Variants in STAT3 observed in about 807,000 individuals in gnomAD.
STAT3 encodes DNA-binding protein APRF.
In STAT3, 7 loss-of-function variants were observed where a neutral mutation model predicts 114.3. That is an observed-to-expected ratio of 0.06 (90% CI 0.03 to 0.11). The LOEUF (loss-of-function observed/expected upper bound fraction) is 0.11, where lower values mean the gene tolerates loss of function less well. Among genes scored for constraint, STAT3 ranks in the 10% least tolerant of loss-of-function variants. The probability of loss-of-function intolerance (pLI) is 1.00; values close to 1 mark genes in which losing one functional copy is unlikely to be tolerated. For missense variants in STAT3, 364 were observed against 960.9 expected (o/e 0.38, Z 8.21); for synonymous variants, 331 against 354.5 (o/e 0.93, Z 0.74).
chr17:42,323,957 A>G (rs2081592099), intron 17 of STAT3, among the ~76,000 whole-genome samples: 1 of 152,246 alleles, frequency 6.6e-6, no homozygotes, highest in Non-Finnish European at 1.5e-5. Context: ...ATTTGGTGGC[A>G]ACAGCTTTAT....
intron 21 of STAT3, among the ~76,000 whole-genome samples, chr17:42,319,465 C>A (rs975134273): frequency 2.1e-5 from 3 of 143,276 alleles, no homozygotes; most frequent in Admixed American, 7.2e-5. Context: ...TCTCTTGAAC[C>A]TGGGAGGCAG....
intron 1 of STAT3, among the ~76,000 whole-genome samples, chr17:42,353,427 T>G (rs1390118008): frequency 1.7e-4 from 26 of 151,642 alleles, no homozygotes; most frequent in Admixed American, 1.7e-3. Context: ...AACTTAACAT[T>G]ACATATGTGA....
intron 21 of STAT3, among the ~76,000 whole-genome samples, chr17:42,320,033 C>T (rs139384992): frequency 1.4e-3 from 219 of 152,302 alleles, no homozygotes; most frequent in Admixed American, 5.8e-3. Flanking sequence ...CAGCCTCAGA[C>T]TGGGAGGTGG....
At chr17:42,322,673 A>G (rs1484803968) in intron 20 of STAT3, among the ~76,000 whole-genome samples, 179 bp from the exon 21 acceptor site, 1 of 152,256 alleles carries the variant, frequency 6.6e-6, no homozygotes, top group African/African-American at 2.4e-5. Flanking sequence ...CTTCTAATTA[A>G]GAAGAGGCTA....
intron 21 of STAT3, among the ~76,000 whole-genome samples, chr17:42,321,703 G>A (rs2081491885): frequency 6.6e-6 from 1 of 152,160 alleles, no homozygotes; most frequent in Non-Finnish European, 1.5e-5. Flanking sequence ...TGAAATCTGG[G>A]CCTCAAACCT....
intron 1 of STAT3, among the ~76,000 whole-genome samples, chr17:42,378,617 G>A (rs1444047322): frequency 1.3e-5 from 2 of 152,138 alleles, no homozygotes; most frequent in Admixed American, 1.3e-4. Flanking sequence ...ATGAAAAGAG[G>A]CCCAAATGCA....
intron 1 of STAT3, among the ~76,000 whole-genome samples, chr17:42,349,916 C>T (rs1468734747): frequency 6.6e-6 from 1 of 152,076 alleles, no homozygotes; most frequent in Non-Finnish European, 1.5e-5. Flanking sequence ...ATTAGCCAGG[C>T]GTGGTGGCAC....
At chr17:42,381,359 C>T (rs2084782475) in intron 1 of STAT3, among the ~76,000 whole-genome samples, 1 of 152,088 alleles carries the variant, frequency 6.6e-6, no homozygotes, top group Admixed American at 6.6e-5. Flanking sequence ...GAAGGAAAGC[C>T]GGATCGTCGA....
At chr17:42,348,603 G>A in intron 1 of STAT3, 64 bp from the exon 2 acceptor site, 1 of 1,591,598 alleles carries the variant, frequency 6.3e-7, no homozygotes, top group South Asian at 1.1e-5. Flanking sequence ...TCTAGAAGTA[G>A]CCATTGCCCA....
At chr17:42,315,999 T>G in intron 23 of STAT3, 199 bp from the exon 24 acceptor site, 4 of 1,446,654 alleles carry the variant, frequency 2.8e-6, no homozygotes, top group Non-Finnish European at 2.7e-6. Flanking sequence ...TCCTTTCTCA[T>G]TCCCACCTTA....
chr17:42,337,684 A>C lies in STAT3; in HGVS notation c.645+79T>G, dbSNP rs2082283046. ...CAGAGCAGGAACTTCTTAGAAACCAAGCAAGTTCTGCCACAAGACGCTGAA... is the reference window on the plus strand; with the variant it reads ...CAGAGCAGGAACTTCTTAGAAACCACGCAAGTTCTGCCACAAGACGCTGAA... On this transcript the variant is annotated intron_variant, in intron 7 of 23. Coordinates refer to ENST00000264657, the MANE Select transcript of STAT3 (RefSeq NM_139276.3). The surrounding 1 kb of genome is among the most constrained non-coding windows in gnomAD (Gnocchi z 4.0). 2 of 1,613,696 alleles carry C rather than the reference A, an allele frequency of 1.2e-6. No individual in the cohort carries two copies. Among genetic ancestry groups the C allele is most frequent in the Admixed American group, 3.3e-5 (2 of 60,016 alleles).
chr17:42,345,817 C>G lies in STAT3; in HGVS notation c.274-160G>C, dbSNP rs3736161. On this transcript the variant is annotated intron_variant, in intron 3 of 23. Coordinates refer to ENST00000264657, the MANE Select transcript of STAT3 (RefSeq NM_139276.3). ...AGCCTGGGTGAAGGCTCTCTGTCGG[C>G]GGGGGGCGAAGGGGAGGTCGTTACT... 0.35 allele frequency among the ~76,000 whole-genome samples: 53,033 copies of G among 150,260 alleles called. 9,514 individuals carry two copies. Among genetic ancestry groups the G allele is most frequent in the South Asian group, 0.46 (2,199 of 4,764 alleles).
At chr17:42,375,995 G>A (rs1057313074) in intron 1 of STAT3, among the ~76,000 whole-genome samples, 11 of 150,976 alleles carry the variant, frequency 7.3e-5, no homozygotes, top group Non-Finnish European at 1.6e-4. Context: ...TACTAAAAAT[G>A]CAAAAATTAG....
At chr17:42,343,461 T>C (rs924188907) in intron 4 of STAT3, among the ~76,000 whole-genome samples, 7 of 146,908 alleles carry the variant, frequency 4.8e-5, no homozygotes, top group East Asian at 2.0e-4. Flanking sequence ...CTTTCTTTTT[T>C]TTTTTTTTTT....
chr17:42,339,197 A>T lies in STAT3; in HGVS notation c.468+117T>A. On this transcript the variant is annotated intron_variant, in intron 5 of 23. Transcript: ENST00000264657. ...CTTGGGCCTGAGAGGTCGAGGCTGC[A>T]GTGAGCTGTGATCATGCCACTGCAG... 3.1e-6 allele frequency: 3 copies of T among 979,694 alleles called. No homozygotes were observed. In the South Asian group the frequency reaches 4.1e-5, roughly 13 times the overall value. The allele number at this position is 979,694 out of a possible 1,614,324, so 60.7% of individuals were successfully genotyped here. A position where few individuals can be genotyped will look rare whatever the true frequency, so the allele number is the denominator to read the frequency against.
chr17:42,388,403 T>G lies in STAT3; in HGVS notation c.-148A>C. 8.1e-7 allele frequency: 1 copy of G among 1,231,668 alleles called. No individual in the cohort carries two copies. The highest frequency in any genetic ancestry group is 4.1e-5 in the South Asian group (1 of 24,346). 76.3% of individuals were successfully genotyped at this position (1,231,668 alleles called of 1,614,324 possible). On this transcript the variant is annotated 5_prime_UTR_variant, in exon 1 of 24. Coordinates refer to ENST00000264657, the MANE Select transcript of STAT3 (RefSeq NM_139276.3). ...AGAGACAGCGCCAAGCCGGGGTGCC[T>G]GTCCAGGATCCGGTTGGGGCTTGTT...
intron 11 of STAT3, among the ~76,000 whole-genome samples, chr17:42,329,995 A>G (rs1378601855): frequency 6.6e-6 from 1 of 152,232 alleles, no homozygotes; most frequent in Non-Finnish European, 1.5e-5. Context: ...TTCATATTGC[A>G]TATGTACTTA....
intron 1 of STAT3, among the ~76,000 whole-genome samples, chr17:42,383,977 A>G (rs1230723580): frequency 6.6e-6 from 1 of 152,222 alleles, no homozygotes; most frequent in Non-Finnish European, 1.5e-5. Flanking sequence ...ACTCCAGTTA[A>G]TAACTCCCCT....
intron 1 of STAT3, among the ~76,000 whole-genome samples, chr17:42,368,427 T>G (rs1228949932): frequency 6.6e-6 from 1 of 152,100 alleles, no homozygotes; most frequent in Admixed American, 6.6e-5. Flanking sequence ...ATGACTAGGT[T>G]TGAGATATTC....
Sources: allele counts gnomAD v4.1 joint callset (sites outside exome capture counted in the v4.1 genomes callset), GRCh38; gene constraint gnomAD v4.1.1; non-coding constraint Gnocchi (gnomAD v3.1); transcripts MANE v1.5; gene names NCBI Gene and HGNC (gene_info 2026-07-23, HGNC 2026-07-21).